The following SGSM1 variants were observed in gnomAD, a reference collection of about 807,000 sequenced individuals.
The protein encoded by SGSM1 is RUN and TBC1 domain containing 2.
In SGSM1, 73 loss-of-function variants were observed where a neutral mutation model predicts 133.8. That is an observed-to-expected ratio of 0.55 (90% CI 0.45 to 0.66). SGSM1 has a LOEUF of 0.66. Ranked by LOEUF, SGSM1 falls within the 30% of genes least tolerant of loss-of-function variation. The probability of loss-of-function intolerance (pLI) is 0.00; values close to 1 mark genes in which losing one functional copy is unlikely to be tolerated. For missense variants in SGSM1, 1,213 were observed against 1,448.1 expected, an observed-to-expected ratio of 0.84 and a Z score of 2.64; for synonymous variants, 563 against 573.0, an observed-to-expected ratio of 0.98 and a Z score of 0.25.
chr22:24,871,805 A>G (rs116319309), intron 12 of SGSM1, among the ~76,000 whole-genome samples: 1,759 of 152,248 alleles, frequency 0.012, 16 homozygotes, highest in African/African-American at 0.04. Context: ...GGAAATGGCA[A>G]CCGCATCCTT....
intron 14 of SGSM1, among the ~76,000 whole-genome samples, 198 bp downstream of exon 14, chr22:24,879,724 C>T (rs574309344): frequency 6.6e-6 from 1 of 152,294 alleles, no homozygotes; most frequent in African/African-American, 2.4e-5. Context: ...AAATTTTACC[C>T]CTGGGTCCTG....
chr22:24,926,737 TCC>T lies in SGSM1; in HGVS notation c.*2464_*2465del, dbSNP rs1934219946. 1 of 152,274 alleles carries T rather than the reference TCC, an allele frequency of 6.6e-6. No homozygotes were observed. The highest frequency in any genetic ancestry group is 2.4e-5 in the African/African-American group (1 of 41,466). 9.4% of individuals were successfully genotyped at this position (152,274 alleles called of 1,614,324 possible). Reference sequence around the variant, plus strand: ...AATTGGATGCGTGGGACTCGTTCTGTCCGCGGAGTGCACTCTTTTTTTCAGTG... The same window carrying T: ...AATTGGATGCGTGGGACTCGTTCTGTGCGGAGTGCACTCTTTTTTTCAGTG... On this transcript the variant is annotated 3_prime_UTR_variant, in exon 25 of 25. Transcript: ENST00000400358.
intron 2 of SGSM1, among the ~76,000 whole-genome samples, chr22:24,816,309 C>T (rs1312887026): frequency 1.3e-5 from 2 of 152,122 alleles, no homozygotes; most frequent in African/African-American, 4.8e-5. Flanking sequence ...CAGCTCCATC[C>T]TCCATCCTTT....
chr22:24,830,974 C>T (rs1929088163), intron 2 of SGSM1, among the ~76,000 whole-genome samples: 1 of 152,132 alleles, frequency 6.6e-6, no homozygotes, highest in Admixed American at 6.5e-5. Flanking sequence ...AGGCTCTCCA[C>T]ACCTTGCACC....
intron 2 of SGSM1, among the ~76,000 whole-genome samples, chr22:24,840,541 C>T (rs1279784779): frequency 6.6e-6 from 1 of 151,846 alleles, no homozygotes; most frequent in Non-Finnish European, 1.5e-5. Context: ...CAGGGTTTCA[C>T]CATGTTGGCC....
At chr22:24,907,383 T>C (rs78866613) in intron 21 of SGSM1, among the ~76,000 whole-genome samples, 2,071 of 152,152 alleles carry the variant, frequency 0.014, 47 homozygotes, top group African/African-American at 0.047. Flanking sequence ...ATTGTTGAAA[T>C]AAATTTTAAA....
intron 2 of SGSM1, among the ~76,000 whole-genome samples, chr22:24,831,591 G>C (rs1929122502): frequency 6.6e-6 from 1 of 152,146 alleles, no homozygotes; most frequent in African/African-American, 2.4e-5. Context: ...AGGCAGTCAG[G>C]GCCTTCTCAC....
At chr22:24,874,585 G>A in intron 12 of SGSM1, 1 of 1,586,932 alleles carries the variant, frequency 6.3e-7, no homozygotes. Flanking sequence ...CCCCAGTAAT[G>A]TCTGGGATCT....
At chr22:24,860,373 C>G (rs1039182370) in intron 9 of SGSM1, among the ~76,000 whole-genome samples, 1 of 152,120 alleles carries the variant, frequency 6.6e-6, no homozygotes, top group Non-Finnish European at 1.5e-5. Flanking sequence ...ACAAAGAAAG[C>G]CATGGTGCAG....
At chr22:24,894,465 A>C (rs1486205150) in intron 17 of SGSM1, among the ~76,000 whole-genome samples, 1 of 152,228 alleles carries the variant, frequency 6.6e-6, no homozygotes, top group Non-Finnish European at 1.5e-5. Flanking sequence ...GTAACAAACA[A>C]CCACCAAAAA....
chr22:24,903,725 C>T (rs1185512493), intron 20 of SGSM1, among the ~76,000 whole-genome samples: 1 of 152,034 alleles, frequency 6.6e-6, no homozygotes, highest in African/African-American at 2.4e-5. Flanking sequence ...GGCACGGCGG[C>T]TCATGGGAGG....
chr22:24,806,238 G>GGCT lies in SGSM1; in HGVS notation c.-85_-83dup. 2 of 1,300,846 alleles carry GGCT rather than the reference G, an allele frequency of 1.5e-6. No homozygotes were observed. The highest frequency in any genetic ancestry group is 1.9e-6 in the Non-Finnish European group (2 of 1,030,820). The allele number at this position is 1,300,846 out of a possible 1,614,324, so 80.6% of individuals were successfully genotyped here. On this transcript the variant is annotated 5_prime_UTR_variant, in exon 1 of 25. Transcript: ENST00000400358. ...TCAGCGCTCGGCCCCGCCCCGCCGC[G>GGCT]GCTGCAGCAGCAGCGCCGCGGCCGG...
intron 14 of SGSM1, among the ~76,000 whole-genome samples, chr22:24,880,728 G>A (rs1225974597): frequency 6.6e-6 from 1 of 152,224 alleles, no homozygotes; most frequent in African/African-American, 2.4e-5. Context: ...GCAGGAAGGG[G>A]TGGGGGAGTC....
chr22:24,912,150 A>C (rs993787601), intron 21 of SGSM1, among the ~76,000 whole-genome samples: 1 of 152,040 alleles, frequency 6.6e-6, no homozygotes, highest in African/African-American at 2.4e-5. Context: ...AAGGGAACAT[A>C]ACCAATTGAT....
rs183838772 is a variant in SGSM1 at position 24,888,647 on chromosome 22, C to T, written c.1770+1919C>T. Among the ~76,000 whole-genome samples the T allele has an allele frequency of 1.1e-4, 16 of 152,082 alleles. 1 individual carries two copies. Among genetic ancestry groups the T allele is most frequent in the African/African-American group, 3.1e-4 (13 of 41,512 alleles). ...AACAAAAATCAGCTGGGCATGGTGG[C>T]GGGCGCCTGTAGTCCCAGCTACTCA... On this transcript the variant is annotated intron_variant, in intron 16 of 24. Transcript: ENST00000400358.
At chr22:24,808,361 G>T (rs1927539635) in intron 2 of SGSM1, among the ~76,000 whole-genome samples, 1 of 152,070 alleles carries the variant, frequency 6.6e-6, no homozygotes. Context: ...GTGATCGCCT[G>T]CCTCGGCCTC....
At chr22:24,866,273 AC>A (rs1297691499) in intron 9 of SGSM1, among the ~76,000 whole-genome samples, 3 of 152,106 alleles carry the variant, frequency 2.0e-5, no homozygotes, top group African/African-American at 7.2e-5. Context: ...TTTAATTCTC[AC>A]AGCAACACAA....
At chr22:24,876,806 G>A in intron 13 of SGSM1, 91 bp downstream of exon 13, 1 of 1,547,774 alleles carries the variant, frequency 6.5e-7, no homozygotes, top group Non-Finnish European at 8.8e-7. Context: ...TGAATTCAGA[G>A]TGAGCATAAC....
At chr22:24,815,601 C>T (rs543745107) in intron 2 of SGSM1, among the ~76,000 whole-genome samples, 19 of 152,182 alleles carry the variant, frequency 1.2e-4, no homozygotes, top group South Asian at 1.0e-3. Flanking sequence ...AAAAATTAGC[C>T]GGGCGTGGTG....
Sources: allele counts gnomAD v4.1 joint callset (sites outside exome capture counted in the v4.1 genomes callset), GRCh38; gene constraint gnomAD v4.1.1; transcripts MANE v1.5; gene names NCBI Gene and HGNC (gene_info 2026-07-23, HGNC 2026-07-21).